FBXL17: variants seen among roughly 807,000 people sequenced by gnomAD.
FBXL17 encodes the protein F-box and leucine rich repeat protein 17.
In FBXL17, 22 loss-of-function variants were observed where a neutral mutation model predicts 66.2. The ratio of observed to expected loss-of-function variants is 0.33; its 90% confidence interval spans 0.24 to 0.47. The LOEUF is 0.47. Ranked by LOEUF, FBXL17 falls within the 20% of genes least tolerant of loss-of-function variation. The pLI is 1.00. For missense variants in FBXL17, 878 were observed against 948.2 expected (o/e 0.93, Z 0.97); for synonymous variants, 474 against 400.5 (o/e 1.18, Z -2.19).
intron 6 of FBXL17, among the ~76,000 whole-genome samples, chr5:108,086,377 C>A (rs1003616961): frequency 2.6e-5 from 4 of 152,296 alleles, no homozygotes; most frequent in African/African-American, 9.6e-5. Flanking sequence ...AGCCTTTTGT[C>A]CAATCACATT....
chr5:108,064,092 G>C (rs1748026638), intron 6 of FBXL17, among the ~76,000 whole-genome samples: 1 of 151,978 alleles, frequency 6.6e-6, no homozygotes, highest in Non-Finnish European at 1.5e-5. Context: ...TCATAATTAT[G>C]AATATAACTT....
chr5:108,375,245 T>C (rs1473297945), intron 1 of FBXL17, among the ~76,000 whole-genome samples: 1 of 152,022 alleles, frequency 6.6e-6, no homozygotes, highest in Non-Finnish European at 1.5e-5. Context: ...TGCACCCAGC[T>C]ACTCAGGAGG....
At chr5:107,951,637 C>T (rs1751501931) in intron 7 of FBXL17, among the ~76,000 whole-genome samples, 1 of 152,194 alleles carries the variant, frequency 6.6e-6, no homozygotes, top group South Asian at 2.1e-4. Flanking sequence ...TATGAGAGAG[C>T]TAAGCAAATG....
intron 4 of FBXL17, among the ~76,000 whole-genome samples, chr5:108,232,800 TA>T (rs1755419995): frequency 3.0e-5 from 4 of 132,610 alleles, no homozygotes; most frequent in African/African-American, 1.1e-4. Context: ...TATATATATA[TA>T]TATAATATAT....
At chr5:108,250,857 T>C (rs1406158330) in intron 4 of FBXL17, among the ~76,000 whole-genome samples, 3 of 152,108 alleles carry the variant, frequency 2.0e-5, no homozygotes, top group African/African-American at 7.2e-5. Context: ...ATACATTCTT[T>C]GCAGCTTTTT....
intron 4 of FBXL17, among the ~76,000 whole-genome samples, chr5:108,309,975 TAAA>T (rs1759039677): frequency 6.6e-6 from 1 of 152,150 alleles, no homozygotes; most frequent in African/African-American, 2.4e-5. Context: ...GTTAGATGGC[TAAA>T]AATCACAAAA....
rs117598417 is a variant in FBXL17 at position 107,942,886 on chromosome 5, C to T, written c.1823-61707G>A. On this transcript the variant is annotated intron_variant, in intron 7 of 8. Transcript: ENST00000542267. ...CTTGCTTCTCTAAGTATTTTGGCAA[C>T]TGCTTCATCATGCTGACTGCTCTGA... 7.9e-4 allele frequency among the ~76,000 whole-genome samples: 120 copies of T among 152,240 alleles called. 3 individuals carry two copies. In the East Asian group the frequency reaches 0.023, roughly 29 times the overall value.
At chr5:107,894,862 G>C (rs1168013028) in intron 7 of FBXL17, among the ~76,000 whole-genome samples, 2 of 151,952 alleles carry the variant, frequency 1.3e-5, no homozygotes, top group African/African-American at 2.4e-5. Context: ...ATTTTTAAAA[G>C]AATTTACATC....
intron 6 of FBXL17, among the ~76,000 whole-genome samples, chr5:108,170,081 G>A (rs1580547977): frequency 6.6e-6 from 1 of 151,874 alleles, no homozygotes; most frequent in East Asian, 1.9e-4. Flanking sequence ...TTCACACATA[G>A]CAAAATATTT....
intron 7 of FBXL17, among the ~76,000 whole-genome samples, chr5:107,965,749 TCTGAATTAGGA>T (rs1752104373): frequency 6.6e-6 from 1 of 152,176 alleles, no homozygotes; most frequent in Non-Finnish European, 1.5e-5. Flanking sequence ...TGTTAGACAC[TCTGAATTAGGA>T]CCAATTTAGT....
At chr5:108,342,627 A>C (rs1217494328) in intron 4 of FBXL17, among the ~76,000 whole-genome samples, 2 of 152,170 alleles carry the variant, frequency 1.3e-5, no homozygotes, top group African/African-American at 4.8e-5. Flanking sequence ...AGAGAAGAGA[A>C]GTTTGGGAAT....
intron 7 of FBXL17, among the ~76,000 whole-genome samples, chr5:107,923,560 T>G (rs964836275): frequency 6.6e-6 from 1 of 152,158 alleles, no homozygotes; most frequent in African/African-American, 2.4e-5. Flanking sequence ...CACTTAGTGC[T>G]CCTTTTCAGA....
intron 4 of FBXL17, among the ~76,000 whole-genome samples, chr5:108,312,815 A>G (rs1313452881): frequency 1.3e-5 from 2 of 152,082 alleles, no homozygotes; most frequent in East Asian, 3.9e-4. Context: ...CTCTAATTAA[A>G]TTACTCCAAT....
intron 6 of FBXL17, among the ~76,000 whole-genome samples, chr5:108,090,935 T>A (rs1263788317): frequency 6.6e-6 from 1 of 151,512 alleles, no homozygotes; most frequent in Non-Finnish European, 1.5e-5. Context: ...GTCACTATCA[T>A]CTCTTTTTGT....
intron 6 of FBXL17, among the ~76,000 whole-genome samples, chr5:108,120,053 C>A (rs773491439): frequency 1.1e-4 from 16 of 152,198 alleles, no homozygotes; most frequent in Non-Finnish European, 2.1e-4. Context: ...TGCCTACCTT[C>A]ATTCCCACTC....
chr5:108,365,268 A>G (rs955599160), intron 2 of FBXL17, among the ~76,000 whole-genome samples: 1 of 152,112 alleles, frequency 6.6e-6, no homozygotes, highest in Non-Finnish European at 1.5e-5. Context: ...ATTCATAACA[A>G]GCCCTTTAGA....
At chr5:107,961,183 TTTTC>T (rs1164716457) in intron 7 of FBXL17, among the ~76,000 whole-genome samples, 10 of 152,062 alleles carry the variant, frequency 6.6e-5, no homozygotes, top group Admixed American at 6.6e-5. Context: ...TTTTCTTTTC[TTTTC>T]TTTCTTTCTT....
intron 7 of FBXL17, among the ~76,000 whole-genome samples, chr5:107,945,066 A>G (rs1485223657): frequency 6.6e-6 from 1 of 152,244 alleles, no homozygotes; most frequent in East Asian, 1.9e-4. Context: ...CTACAAATCA[A>G]TAGAAAAAAA....
intron 4 of FBXL17, among the ~76,000 whole-genome samples, chr5:108,314,444 T>C (rs544889494): frequency 1.9e-3 from 282 of 151,672 alleles, no homozygotes; most frequent in Non-Finnish European, 3.4e-3. Flanking sequence ...AGAAAACAAG[T>C]ACAATAAGAG....
Sources: allele counts gnomAD v4.1 joint callset (sites outside exome capture counted in the v4.1 genomes callset), GRCh38; gene constraint gnomAD v4.1.1; transcripts MANE v1.5; gene names NCBI Gene and HGNC (gene_info 2026-07-23, HGNC 2026-07-21).